TFPI2: variants seen among roughly 807,000 people sequenced by gnomAD.
TFPI2 encodes placental protein 5.
TFPI2 carries 23 observed loss-of-function variants against 23.1 expected under a neutral mutation model. That is an observed-to-expected ratio of 1.00 (90% CI 0.72 to 1.41). The LOEUF (loss-of-function observed/expected upper bound fraction) is 1.41. Ranked by LOEUF, TFPI2 falls within the 40% of genes most tolerant of loss-of-function variation. The probability of loss-of-function intolerance (pLI) is 0.00; values close to 1 mark genes in which losing one functional copy is unlikely to be tolerated. For synonymous variants in TFPI2, 119 were observed against 111.7 expected (o/e 1.07, Z -0.41); for missense variants, 291 against 299.6 (o/e 0.97, Z 0.21).
At chr7:93,888,039 G>GC (rs1356275411) in intron 3 of TFPI2, among the ~76,000 whole-genome samples, 1 of 152,156 alleles carries the variant, frequency 6.6e-6, no homozygotes, top group African/African-American at 2.4e-5. Context: ...TGGGGGAAAT[G>GC]CCTGTATTGT....
chr7:93,887,286 C>G lies in TFPI2; in HGVS notation c.606G>C (p.Glu202Asp). Residue 202 changes from glutamate to aspartate, a missense_variant, in exon 4 of 5, where the codon GAG (glutamate) becomes GAC (aspartate). Transcript: ENST00000222543. ...GGNDNNFVSR[E>D]DCKRACAKAL... ...CTTTTGCACATGCACGTTTGCAATC[C>G]TCCCTGCTAACAAAGTTATTGTCAT... 4 of 1,611,846 alleles carry G rather than the reference C, an allele frequency of 2.5e-6. No individual in the cohort carries two copies. The highest frequency in any genetic ancestry group is 3.4e-6 in the Non-Finnish European group (4 of 1,179,014).
At chr7:93,888,496 AAAAG>A (rs1339150720) in intron 3 of TFPI2, among the ~76,000 whole-genome samples, 7 of 150,284 alleles carry the variant, frequency 4.7e-5, no homozygotes, top group East Asian at 3.9e-4. Flanking sequence ...GTCGAAAGAA[AAAAG>A]AAAGAAAGAA....
At chr7:93,888,544 A>AGAAGGAAG (rs56960901) in intron 3 of TFPI2, among the ~76,000 whole-genome samples, 8,759 of 105,164 alleles carry the variant, frequency 0.083, 548 homozygotes, top group Non-Finnish European at 0.12. Context: ...AAGGAAGGAA[A>AGAAGGAAG]GAAGGAAGGA....
chr7:93,890,225 G>A lies in TFPI2; in HGVS notation c.183C>T (p.Cys61=), dbSNP rs1486379855. Residue 61 remains cysteine (C), a synonymous_variant, in exon 2 of 5, where the codon TGC becomes TGT. Transcript: ENST00000222543. ...RYYYDRYTQS[C]RQFLYGGCEG... ...CGCAGCCCCCGTACAGGAACTGGCG[G>A]CAGCTCTGCGTGTACCTGTCGTAGT... 5.0e-6 allele frequency: 8 copies of A among 1,614,032 alleles called. No individual in the cohort carries two copies. Among genetic ancestry groups the A allele is most frequent in the South Asian group, 1.1e-5 (1 of 91,056 alleles).
Position 93,886,606 on chromosome 7 carries a change from G to A in TFPI2, c.*214C>T, listed in dbSNP as rs928513050. 27 of 440,728 alleles carry A rather than the reference G, an allele frequency of 6.1e-5. No individual in the cohort carries two copies. Among genetic ancestry groups the A allele is most frequent in the Non-Finnish European group, 9.5e-5 (24 of 253,130 alleles). The allele number at this position is 440,728 out of a possible 1,614,324, so 27.3% of individuals were successfully genotyped here. On this transcript the variant is annotated 3_prime_UTR_variant, in exon 5 of 5. Transcript: ENST00000222543. The stretch of plus-strand genomic sequence containing the variant: ...TTGCAAGAATTCAGTCTCACAAACA[G>A]TTGAACCATAAATTAAAAATGGTAG...
intron 3 of TFPI2, among the ~76,000 whole-genome samples, chr7:93,888,589 G>GGAAGGAAGGAAAGAGAAAGAAAGAA (rs138314368): frequency 4.8e-5 from 5 of 103,342 alleles, no homozygotes; most frequent in East Asian, 6.6e-4. Flanking sequence ...AGGAAGGAAA[G>GGAAGGAAGGAAAGAGAAAGAAAGAA]AGAAAGAAAG....
In TFPI2 at chr7:93,888,671, A is replaced by C. The variant is rs1307080054; in HGVS notation, c.460+364T>G. Among the ~76,000 whole-genome samples the C allele has an allele frequency of 2.0e-5, 3 of 151,808 alleles. No individual in the cohort carries two copies. In the East Asian group the frequency reaches 5.8e-4, roughly 29 times the overall value. On this transcript the variant is annotated intron_variant, in intron 3 of 4. Coordinates refer to ENST00000222543, the MANE Select transcript of TFPI2 (RefSeq NM_006528.4). The stretch of plus-strand genomic sequence containing the variant: ...AAAGAGAAAGAGAAAGAAGAAAAAA[A>C]AAAAAATTAGCTGGGCATGGTGGCG...
Position 93,890,189 on chromosome 7 carries a change from G to A in TFPI2, c.219C>T (p.Ala73=). The change falls in exon 2 of 5, where the codon GCC becomes GCT. Residue 73 remains alanine (A), a synonymous_variant. Transcript: ENST00000222543. ...AAGCCTCCCAGGTGTAGAAATTGTT[G>A]GCGTTGCCCTCGCAGCCCCCGTACA... ...QFLYGGCEGN[A]NNFYTWEACD... 1.2e-6 allele frequency: 2 copies of A among 1,613,544 alleles called. No individual in the cohort carries two copies. Among genetic ancestry groups the A allele is most frequent in the Non-Finnish European group, 1.7e-6 (2 of 1,179,594 alleles).
chr7:93,888,513 AAAAG>A (rs1031747134), intron 3 of TFPI2, among the ~76,000 whole-genome samples: 3 of 129,004 alleles, frequency 2.3e-5, no homozygotes, highest in South Asian at 2.5e-4. Flanking sequence ...AGAAAGAAAG[AAAAG>A]AAAGAAAGAA....
chr7:93,889,348 C>A (rs935252454), intron 2 of TFPI2, 125 bp from the exon 3 acceptor site: 1 of 808,868 alleles, frequency 1.2e-6, no homozygotes, highest in African/African-American at 1.8e-5. Context: ...TAGTAAATAC[C>A]CAGAATACTC....
rs745351607 is a variant in TFPI2, at chr7:93,886,877, CTTCT to C, written c.647_650del (p.Lys216ArgfsTer23). The C allele has an allele frequency of 6.5e-7, 1 of 1,547,486 alleles. No homozygotes were observed. The highest frequency in any genetic ancestry group is 1.4e-5 in the African/African-American group (1 of 70,556). On this transcript the variant is annotated frameshift_variant, in exon 5 of 5. Coordinates refer to ENST00000222543, the MANE Select transcript of TFPI2 (RefSeq NM_006528.4). LOFTEE classifies it low-confidence loss of function (END_TRUNC). ...TACTGGCAAAGCGAAGCTTTGGCAT[CTTCT>C]TTTTCTTTTTCAAAGCTAAAATCAA... is the stretch of plus-strand genomic sequence containing the variant.
Position 93,887,405 on chromosome 7 carries a change from C to A in TFPI2, c.487G>T (p.Asp163Tyr). The A allele has an allele frequency of 6.2e-7, 1 of 1,610,954 alleles. No individual in the cohort carries two copies. Among genetic ancestry groups the A allele is most frequent in the Non-Finnish European group, 8.5e-7 (1 of 1,179,184 alleles). Residue 163 changes from aspartate (D) to tyrosine (Y), a missense_variant, in exon 4 of 5, where the codon GAT becomes TAT. Transcript: ENST00000222543. The part of the protein sequence containing the change: ...KIPSFCYSPK[D>Y]EGLCSANVTR... ...ACATTGGCAGAGCACAGTCCCTCATCTTTTGGACTGTAGCAAAATGATGGA... is the reference window on the plus strand; with the variant it reads ...ACATTGGCAGAGCACAGTCCCTCATATTTTGGACTGTAGCAAAATGATGGA...
Position 93,886,604 on chromosome 7 carries a change from C to A in TFPI2, c.*216G>T, listed in dbSNP as rs1793996921. 2.3e-6 allele frequency: 1 copy of A among 433,744 alleles called. No homozygotes were observed. The allele number at this position is 433,744 out of a possible 1,614,324, so 26.9% of individuals were successfully genotyped here. A position where few individuals can be genotyped will look rare whatever the true frequency, so the allele number is the denominator to read the frequency against. On this transcript the variant is annotated 3_prime_UTR_variant, in exon 5 of 5. Coordinates refer to ENST00000222543, the MANE Select transcript of TFPI2 (RefSeq NM_006528.4). ...CATTGCAAGAATTCAGTCTCACAAA[C>A]AGTTGAACCATAAATTAAAAATGGT...
At chr7:93,889,335 G>A in intron 2 of TFPI2, 112 bp from the exon 3 acceptor site, 1 of 1,007,842 alleles carries the variant, frequency 9.9e-7, no homozygotes, top group South Asian at 1.9e-5. Flanking sequence ...ATTAGTGTTG[G>A]GATAGTAAAT....
chr7:93,887,166 T>A, intron 4 of TFPI2, 95 bp downstream of exon 4: 1 of 1,241,096 alleles, frequency 8.1e-7, no homozygotes, highest in Non-Finnish European at 1.1e-6. Flanking sequence ...GAAACAGCAA[T>A]TTGCTATTAG....
chr7:93,890,558 T>C (rs1486284820), intron 1 of TFPI2, 33 bp downstream of exon 1: 1 of 1,605,244 alleles, frequency 6.2e-7, no homozygotes, highest in Non-Finnish European at 8.5e-7. Context: ...TCTCCGCCGG[T>C]TGGGGAGAGA....
In TFPI2 at chr7:93,886,863, C is replaced by G; in HGVS notation, c.665G>C (p.Arg222Pro). 1 of 1,549,002 alleles carries G rather than the reference C, an allele frequency of 6.5e-7. No homozygotes were observed. Residue 222 changes from arginine (R) to proline (P), a missense_variant, in exon 5 of 5, where the codon CGC (arginine) becomes CCC (proline). Arg to Pro is a moderately radical substitution (Grantham distance 103). Transcript: ENST00000222543. ...AATTTTCCGGATTCTACTGGCAAAG[C>G]GAAGCTTTGGCATCTTCTTTTTCTT... ...LKKKKKMPKL[R>P]FASRIRKIRK...
chr7:93,890,036 T>TA, intron 2 of TFPI2, 101 bp downstream of exon 2: 5 of 1,320,762 alleles, frequency 3.8e-6, no homozygotes, highest in Non-Finnish European at 5.1e-6. Context: ...AAACCCAGGC[T>TA]AAAACTTCCT....
intron 3 of TFPI2, among the ~76,000 whole-genome samples, chr7:93,888,496 A>AAAAGAAAG (rs1339150720): frequency 3.1e-4 from 47 of 150,276 alleles, no homozygotes; most frequent in African/African-American, 1.0e-3. Context: ...GTCGAAAGAA[A>AAAAGAAAG]AAAGAAAGAA....
Sources: allele counts gnomAD v4.1 joint callset (sites outside exome capture counted in the v4.1 genomes callset), GRCh38; gene constraint gnomAD v4.1.1; transcripts MANE v1.5; gene names NCBI Gene and HGNC (gene_info 2026-07-23, HGNC 2026-07-21).